Variants in INTS1 observed in about 807,000 individuals in gnomAD.
INTS1 encodes integrator complex subunit 1.
Under a neutral mutation model 241.6 loss-of-function variants are expected in INTS1, and 137 were observed. The ratio of observed to expected loss-of-function variants is 0.57; its 90% CI spans 0.49 to 0.65. The LOEUF (loss-of-function observed/expected upper bound fraction) is 0.65. Ranked by LOEUF, INTS1 falls within the 30% of genes least tolerant of loss-of-function variation. INTS1 has a pLI of 0.00. For missense variants in INTS1, 3,073 were observed against 3,032.2 expected (o/e 1.01, Z -0.32); for synonymous variants, 1,692 against 1,337.8 (o/e 1.26, Z -5.78).
intron 2 of INTS1, 34 bp downstream of exon 2, chr7:1,503,869 A>AAAGT: frequency 6.7e-7 from 1 of 1,482,334 alleles, no homozygotes; most frequent in Non-Finnish European, 9.2e-7. Context: ...ACCCCCAAAG[A>AAAGT]CCCCCGGGCT....
At chr7:1,475,255 C>G (rs1441156564) in intron 39 of INTS1, among the ~76,000 whole-genome samples, 1 of 151,986 alleles carries the variant, frequency 6.6e-6, no homozygotes, top group Non-Finnish European at 1.5e-5. Context: ...TGTGGTGGCA[C>G]GTGCCTGTGA....
intron 30 of INTS1, 58 bp from the exon 31 acceptor site, chr7:1,479,742 C>A: frequency 3.5e-6 from 5 of 1,428,982 alleles, no homozygotes; most frequent in Admixed American, 2.8e-5. Flanking sequence ...AGGAGCGCAG[C>A]GGAGAGGCTA....
chr7:1,487,507 C>G (rs1002269978), intron 19 of INTS1, 58 bp from the exon 20 acceptor site: 107 of 1,567,904 alleles, frequency 6.8e-5, no homozygotes, highest in Non-Finnish European at 8.7e-5. Context: ...ACCCCCAGAA[C>G]CCCTCCTCCT....
In INTS1 at chr7:1,502,855, G is replaced by A. The variant is rs768067796; in HGVS notation, c.349+46C>T. 3.1e-6 allele frequency: 5 copies of A among 1,601,294 alleles called. No individual in the cohort carries two copies. The African/African-American group carries it at 6.7e-5, about 21-fold the overall frequency. ...GCCTTCCCTGAACACCTGATGGACG[G>A]CATGAGCTGAGGGGTGTTCTCGGGG... On this transcript the variant is annotated intron_variant, in intron 3 of 47. Transcript: ENST00000404767.
Position 1,481,260 on chromosome 7 carries a change from C to T in INTS1, c.3850+82G>A, listed in dbSNP as rs781570777. On this transcript the variant is annotated intron_variant, in intron 28 of 47. Transcript: ENST00000404767. The surrounding 1 kb of genome is among the most constrained non-coding windows in gnomAD (Gnocchi z 6.8). ...CCCGACCTCGGATCACCCACCCGCT[C>T]GCACCCAGGCCCCAAAAGCCTGGCC... 2.1e-5 allele frequency: 32 copies of T among 1,530,322 alleles called. No homozygotes were observed. In the East Asian group the frequency reaches 3.2e-4, roughly 15 times the overall value. The allele number at this position is 1,530,322 out of a possible 1,614,324, so 94.8% of individuals were successfully genotyped here. A position where few individuals can be genotyped will look rare whatever the true frequency, so the allele number is the denominator to read the frequency against.
chr7:1,484,642 G>C (rs1406593219), intron 24 of INTS1, among the ~76,000 whole-genome samples: 3 of 152,214 alleles, frequency 2.0e-5, no homozygotes, highest in African/African-American at 7.2e-5. Context: ...CAGCGACCTG[G>C]GCCCACAGCC....
At chr7:1,478,633 G>T in intron 32 of INTS1, 93 bp downstream of exon 32, 1 of 1,488,054 alleles carries the variant, frequency 6.7e-7, no homozygotes, top group Non-Finnish European at 9.0e-7. Flanking sequence ...CCAAGCCACT[G>T]CCCAGGCCTC....
At position 1,472,531 on chromosome 7, in the gene INTS1, T is replaced by TGCTC. The variant is rs1781519625; in HGVS notation, c.6071-146_6071-145insGAGC. The TGCTC allele has an allele frequency of 1.3e-5, 8 of 598,598 alleles. No homozygotes were observed. In the East Asian group the frequency reaches 2.3e-4, roughly 17 times the overall value. The allele number at this position is 598,598 out of a possible 1,614,324, so 37.1% of individuals were successfully genotyped here. On this transcript the variant is annotated intron_variant, in intron 43 of 47. Coordinates refer to ENST00000404767, the MANE Select transcript of INTS1 (RefSeq NM_001080453.3). ...ACACAGCAGCGCTCCACAAATGGGG[T>TGCTC]GGAGCCAGGAGCCGGGAGCTGCCTT...
rs1781762714 is a variant in INTS1, at chr7:1,477,135, G to A, written c.4939-217C>T. Among the ~76,000 whole-genome samples the A allele has an allele frequency of 2.6e-5, 4 of 152,356 alleles. No homozygotes were observed. In the South Asian group the frequency reaches 8.3e-4, roughly 32 times the overall value. On this transcript the variant is annotated intron_variant, in intron 35 of 47. Coordinates refer to ENST00000404767, the MANE Select transcript of INTS1 (RefSeq NM_001080453.3). ...GGGAGCCATGCCACACAGCGGAGGT[G>A]CCCGGGGCTCCATGCAGCCTCTCTG... is the stretch of plus-strand genomic sequence containing the variant.
At chr7:1,480,277 G>A (rs763194542) in intron 30 of INTS1, 40 bp downstream of exon 30, 2 of 1,570,760 alleles carry the variant, frequency 1.3e-6, no homozygotes, top group South Asian at 1.2e-5. Context: ...CGCAGGAAGA[G>A]GGGCTGCAGG....
chr7:1,473,727 T>C lies in INTS1; in HGVS notation c.5830-34A>G, dbSNP rs201635626. 3.6e-4 allele frequency: 581 copies of C among 1,611,352 alleles called. 3 individuals are homozygous for C. The highest frequency in any genetic ancestry group is 3.2e-3 in the African/African-American group (242 of 75,046). Reference sequence around the variant, plus strand: ...CAAAAGCGGCACCCTCGAGCTGCTCTGCCCCGCAGGGCCAAAACAGAGCCT... The same window carrying C: ...CAAAAGCGGCACCCTCGAGCTGCTCCGCCCCGCAGGGCCAAAACAGAGCCT... On this transcript the variant is annotated intron_variant, in intron 41 of 47. Transcript: ENST00000404767.
At chr7:1,487,161 C>T (rs1782311049) in intron 20 of INTS1, 60 bp from the exon 21 acceptor site, 5 of 1,525,374 alleles carry the variant, frequency 3.3e-6, no homozygotes, top group South Asian at 2.4e-5. Context: ...TGCCGCCAGC[C>T]CCCCGGGTGA....
In INTS1 at chr7:1,477,676, G is replaced by A; in HGVS notation, c.4815-3C>T. ...GCCCCAGCCGCACGGCCTCCAGGCT[G>A]CAGGGAGAAGGTGGCTCAGGGAAGG... is the stretch of plus-strand genomic sequence containing the variant. On this transcript the variant is annotated splice_polypyrimidine_tract_variant and splice_region_variant and intron_variant, in intron 34 of 47. Coordinates refer to ENST00000404767, the MANE Select transcript of INTS1 (RefSeq NM_001080453.3). 1 of 1,597,916 alleles carries A rather than the reference G, an allele frequency of 6.3e-7. No homozygotes were observed. Among genetic ancestry groups the A allele is most frequent in the South Asian group, 1.1e-5 (1 of 88,994 alleles).
chr7:1,494,903 C>T lies in INTS1; in HGVS notation c.1833-10G>A, dbSNP rs768652629. 6 of 1,554,954 alleles carry T rather than the reference C, an allele frequency of 3.9e-6. No homozygotes were observed. The South Asian group carries it at 5.9e-5, about 15-fold the overall frequency. On this transcript the variant is annotated splice_polypyrimidine_tract_variant and intron_variant, in intron 13 of 47. Transcript: ENST00000404767. Reference sequence around the variant, plus strand: ...CAGCACCTTGTGCAGGCTGGGCAGGCAGAGAAGAGCCCTCAGTCATGATGT... The same window carrying T: ...CAGCACCTTGTGCAGGCTGGGCAGGTAGAGAAGAGCCCTCAGTCATGATGT...
At position 1,499,555 on chromosome 7, in the gene INTS1, C is replaced by A. The variant is rs1783052469; in HGVS notation, c.762G>T (p.Gln254His). The A allele has an allele frequency of 6.2e-7, 1 of 1,613,416 alleles. No individual in the cohort carries two copies. Among genetic ancestry groups the A allele is most frequent in the African/African-American group, 1.3e-5 (1 of 74,936 alleles). ...GGGGCATTCTGGTGTTGAAGGCCGTCTGGATGTTGTCCACAAACGTCTTAC... is the reference window on the plus strand; with the variant it reads ...GGGGCATTCTGGTGTTGAAGGCCGTATGGATGTTGTCCACAAACGTCTTAC... ...PHCKTFVDNI[Q>H]TAFNTRMPPR... Residue 254 changes from glutamine to histidine, a missense_variant, in exon 6 of 48, where the codon CAG becomes CAT. Physicochemically the swap from Gln to His is conservative, Grantham distance 24. Coordinates refer to ENST00000404767, the MANE Select transcript of INTS1 (RefSeq NM_001080453.3).
At chr7:1,474,030 T>G (rs773161436) in intron 41 of INTS1, 138 bp downstream of exon 41, 2 of 1,015,666 alleles carry the variant, frequency 2.0e-6, no homozygotes, top group African/African-American at 3.2e-5. Context: ...GGGTGGGAGC[T>G]GGTCCCCAGG....
intron 14 of INTS1, chr7:1,494,431 C>T (rs116252637): frequency 0.019 from 5,978 of 319,028 alleles, 343 homozygotes; most frequent in African/African-American, 0.12. Flanking sequence ...GGGGACAGAG[C>T]TGTGAGGCCA....
rs1562481001 is a variant in INTS1 at position 1,470,701 on chromosome 7, GA to G, written c.6458-10del. On this transcript the variant is annotated splice_polypyrimidine_tract_variant and intron_variant, in intron 47 of 47. Coordinates refer to ENST00000404767, the MANE Select transcript of INTS1 (RefSeq NM_001080453.3). ...CAGCACAGCCGCGTGCTCTGTGGGGGAAACGGGGCCCTGCACGTCACGCTGG... is the reference window on the plus strand; with the variant it reads ...CAGCACAGCCGCGTGCTCTGTGGGGGAACGGGGCCCTGCACGTCACGCTGG... 6.5e-7 allele frequency: 1 copy of G among 1,532,068 alleles called. No individual in the cohort carries two copies. Among genetic ancestry groups the G allele is most frequent in the Non-Finnish European group, 8.8e-7 (1 of 1,136,646 alleles). 94.9% of individuals were successfully genotyped at this position (1,532,068 alleles called of 1,614,324 possible).
At position 1,474,815 on chromosome 7, in the gene INTS1, G is replaced by A. The variant is rs1441488323; in HGVS notation, c.5526C>T (p.Phe1842=). The A allele has an allele frequency of 1.9e-6, 3 of 1,590,612 alleles. No homozygotes were observed. The highest frequency in any genetic ancestry group is 1.7e-5 in the Admixed American group (1 of 57,326). Residue 1842 remains phenylalanine (F), a synonymous_variant, in exon 40 of 48, where the codon TTC becomes TTT. Coordinates refer to ENST00000404767, the MANE Select transcript of INTS1 (RefSeq NM_001080453.3). ...CGCTGGTGTCCGCAAGGAGCGTGAT[G>A]AAGCGGTGGATGAGTCCGTCCAGCT... The part of the protein sequence containing the change: ...VCKLDGLIHR[F]ITLLADTSDS...
Sources: allele counts gnomAD v4.1 joint callset (sites outside exome capture counted in the v4.1 genomes callset), GRCh38; gene constraint gnomAD v4.1.1; non-coding constraint Gnocchi (gnomAD v3.1); transcripts MANE v1.5; gene names NCBI Gene and HGNC (gene_info 2026-07-23, HGNC 2026-07-21).